Variants in DMXL2 observed in about 807,000 individuals in gnomAD.
DMXL2 encodes the protein dmX-like protein 2.
DMXL2 carries 103 observed loss-of-function variants against 331.1 expected under a neutral mutation model. The observed-to-expected ratio is 0.31, with a 90% confidence interval of 0.27 to 0.37. The LOEUF is 0.37. Among genes scored for constraint, DMXL2 ranks in the 10% least tolerant of loss-of-function variants. The pLI, the probability that DMXL2 is intolerant of heterozygous loss-of-function variation, is 1.00. For synonymous variants in DMXL2, 1,281 were observed against 1,252.1 expected, an observed-to-expected ratio of 1.02 and a Z score of -0.49; for missense variants, 3,171 against 3,642.9, an observed-to-expected ratio of 0.87 and a Z score of 3.33.
intron 7 of DMXL2, among the ~76,000 whole-genome samples, chr15:51,546,931 A>C (rs527709487): frequency 6.6e-6 from 1 of 152,254 alleles, no homozygotes; most frequent in Non-Finnish European, 1.5e-5. Context: ...CTGGACACAA[A>C]GTATGTGCAA....
intron 22 of DMXL2, 97 bp downstream of exon 22, chr15:51,487,857 C>A: frequency 9.3e-7 from 1 of 1,079,290 alleles, no homozygotes; most frequent in Non-Finnish European, 1.3e-6. Context: ...ATTCTGTGTC[C>A]TAACAAACAT....
chr15:51,542,248 A>T, intron 9 of DMXL2, 85 bp downstream of exon 9: 1 of 1,316,726 alleles, frequency 7.6e-7, no homozygotes, highest in Non-Finnish European at 1.1e-6. Context: ...GAAATAATAA[A>T]AAACAGGTTA....
At chr15:51,608,814 G>T (rs904406594) in intron 1 of DMXL2, among the ~76,000 whole-genome samples, 1 of 152,056 alleles carries the variant, frequency 6.6e-6, no homozygotes, top group African/African-American at 2.4e-5. Context: ...AACACTAACA[G>T]ATTGATACCA....
In DMXL2 at chr15:51,456,369, G is replaced by A. The variant is rs758501362; in HGVS notation, c.8338C>T (p.Leu2780Phe). The A allele has an allele frequency of 1.3e-6, 2 of 1,569,814 alleles. No homozygotes were observed. Among genetic ancestry groups the A allele is most frequent in the African/African-American group, 1.4e-5 (1 of 72,572 alleles). Reference protein sequence around the residue: ...TGQTSTGASVLMKRNLHNVKR... With the variant: ...TGQTSTGASVFMKRNLHNVKR... ...ACATTATGTAGATTCCTTTTCATAAGCTTTAAAAGAAAATTTTAAAAATTT... is the reference window on the plus strand; with the variant it reads ...ACATTATGTAGATTCCTTTTCATAAACTTTAAAAGAAAATTTTAAAAATTT... Residue 2780 changes from leucine (L) to phenylalanine (F), a missense_variant and splice_region_variant, in exon 38 of 44, where the codon CTT (leucine) becomes TTT (phenylalanine). Leu to Phe is a conservative substitution (Grantham distance 22). Transcript: ENST00000560891.
At chr15:51,488,508 T>G in intron 21 of DMXL2, 40 bp downstream of exon 21, 1 of 1,527,094 alleles carries the variant, frequency 6.5e-7, no homozygotes, top group Non-Finnish European at 9.0e-7. Flanking sequence ...CAGCACAATC[T>G]TCATTCTGTT....
chr15:51,481,295 A>G lies in DMXL2; in HGVS notation c.5811T>C (p.His1937=), dbSNP rs1318173353. 6.2e-7 allele frequency: 1 copy of G among 1,614,116 alleles called. No individual in the cohort carries two copies. The highest frequency in any genetic ancestry group is 2.2e-5 in the East Asian group (1 of 44,868). The change falls in exon 24 of 44, where the codon CAT becomes CAC. Residue 1937 remains histidine (H), a synonymous_variant. Coordinates refer to ENST00000560891, the MANE Select transcript of DMXL2 (RefSeq NM_001378457.1). The part of the protein sequence containing the change: ...ISHRMDDVPS[H]SKALSDGNGS... ...CATTGCCATCACTCAGAGCTTTTGA[A>G]TGTGAAGGTACATCATCCATCCTGT...
chr15:51,493,346 T>C (rs2042938357), intron 19 of DMXL2, among the ~76,000 whole-genome samples: 1 of 152,120 alleles, frequency 6.6e-6, no homozygotes. Flanking sequence ...AATTAAAATT[T>C]TGGTATAAGA....
rs150365668 is a variant in DMXL2 at position 51,596,838 on chromosome 15, G to T, written c.88-20657C>A. Among the ~76,000 whole-genome samples, 911 of 152,086 alleles carry T rather than the reference G, an allele frequency of 6.0e-3. 10 individuals are homozygous for T. Among genetic ancestry groups the T allele is most frequent in the African/African-American group, 0.02 (848 of 41,490 alleles). On this transcript the variant is annotated intron_variant, in intron 1 of 43. Transcript: ENST00000560891. ...TCGCAAAGACAAAAAACCAAACACC[G>T]CATGTTCTCACTCATAGGTGGGAAC...
intron 41 of DMXL2, among the ~76,000 whole-genome samples, chr15:51,452,069 G>A (rs1246625869): frequency 6.6e-6 from 1 of 152,188 alleles, no homozygotes; most frequent in Non-Finnish European, 1.5e-5. Context: ...CAAAATAAAT[G>A]TTGAGAATGA....
chr15:51,512,432 A>G (rs1157544779), intron 15 of DMXL2, among the ~76,000 whole-genome samples: 2 of 152,224 alleles, frequency 1.3e-5, no homozygotes, highest in Admixed American at 1.3e-4. Context: ...TTTATTATCA[A>G]TTTGATAACA....
intron 1 of DMXL2, among the ~76,000 whole-genome samples, chr15:51,606,257 G>C (rs2053578656): frequency 2.0e-5 from 3 of 152,158 alleles, no homozygotes; most frequent in Non-Finnish European, 4.4e-5. Flanking sequence ...GCCCAGGCTG[G>C]AGTGCAGTGG....
chr15:51,574,065 A>T (rs2050852321), intron 2 of DMXL2, among the ~76,000 whole-genome samples: 1 of 152,130 alleles, frequency 6.6e-6, no homozygotes, highest in African/African-American at 2.4e-5. Context: ...CAAACAGAAA[A>T]TACCAATTGG....
At chr15:51,501,243 A>G (rs979010579) in intron 17 of DMXL2, among the ~76,000 whole-genome samples, 3 of 152,170 alleles carry the variant, frequency 2.0e-5, no homozygotes. Flanking sequence ...CCTATACTGA[A>G]TATCATTCAC....
intron 28 of DMXL2, among the ~76,000 whole-genome samples, chr15:51,474,127 G>C (rs1406098517): frequency 6.7e-6 from 1 of 149,640 alleles, no homozygotes; most frequent in Non-Finnish European, 1.5e-5. Context: ...AACATGTCCT[G>C]CTTTATCAAC....
intron 3 of DMXL2, 55 bp from the exon 4 acceptor site, chr15:51,565,221 A>T: frequency 8.6e-7 from 1 of 1,167,976 alleles, no homozygotes; most frequent in Non-Finnish European, 1.2e-6. Context: ...TTTTTCAAAT[A>T]ATATCCCAAA....
At chr15:51,613,544 T>A (rs1477565148) in intron 1 of DMXL2, among the ~76,000 whole-genome samples, 1 of 152,242 alleles carries the variant, frequency 6.6e-6, no homozygotes, top group African/African-American at 2.4e-5. Flanking sequence ...GAATAAAGGA[T>A]AACCAGTAAG....
rs945092842 is a variant in DMXL2 at position 51,488,495 on chromosome 15, T to C, written c.5051+53A>G. On this transcript the variant is annotated intron_variant, in intron 21 of 43. Coordinates refer to ENST00000560891, the MANE Select transcript of DMXL2 (RefSeq NM_001378457.1). ...TTTTCAAAAGCATTAGGTTTCTTACTCACAGCACAATCTTCATTCTGTTGA... is the reference window on the plus strand; with the variant it reads ...TTTTCAAAAGCATTAGGTTTCTTACCCACAGCACAATCTTCATTCTGTTGA... The C allele has an allele frequency of 2.7e-5, 39 of 1,462,900 alleles. No individual in the cohort carries two copies. In the Admixed American group the frequency reaches 6.9e-4, roughly 26 times the overall value. 90.6% of individuals were successfully genotyped at this position (1,462,900 alleles called of 1,614,324 possible).
In DMXL2 at chr15:51,491,573, G is replaced by C. The variant is rs367760250; in HGVS notation, c.4953+5C>G. ...ATAACTCAAAATCCACTAAAGAAAA[G>C]TTACCTTTTCAATGCATCTTCGAAG... On this transcript the variant is annotated splice_donor_5th_base_variant and intron_variant, in intron 20 of 43. Transcript: ENST00000560891. The C allele has an allele frequency of 2.1e-5, 34 of 1,587,678 alleles. No homozygotes were observed. The African/African-American group carries it at 4.5e-4, about 21-fold the overall frequency.
intron 3 of DMXL2, among the ~76,000 whole-genome samples, chr15:51,566,623 G>A (rs1474735343): frequency 6.6e-6 from 1 of 151,618 alleles, no homozygotes; most frequent in African/African-American, 2.4e-5. Context: ...ACTATTATAG[G>A]GAAAGATTAA....
Sources: allele counts gnomAD v4.1 joint callset (sites outside exome capture counted in the v4.1 genomes callset), GRCh38; gene constraint gnomAD v4.1.1; transcripts MANE v1.5; gene names NCBI Gene and HGNC (gene_info 2026-07-23, HGNC 2026-07-21).